The following CREB5 variants were observed in gnomAD, a reference collection of about 807,000 sequenced individuals.
CREB5 encodes the protein cAMP responsive element binding protein 5, also known as cyclic AMP-responsive element-binding protein 5.
In CREB5, 19 loss-of-function variants were observed where a neutral mutation model predicts 57.1. That is an observed-to-expected ratio of 0.33 (90% CI 0.23 to 0.49). CREB5 has a LOEUF of 0.49. Among genes scored for constraint, CREB5 ranks in the 20% least tolerant of loss-of-function variants. The probability of loss-of-function intolerance (pLI) is 0.99; values close to 1 mark genes in which losing one functional copy is unlikely to be tolerated. For missense variants in CREB5, 579 were observed against 671.6 expected, an observed-to-expected ratio of 0.86 and a Z score of 1.52; for synonymous variants, 238 against 238.3, an observed-to-expected ratio of 1.00 and a Z score of 0.01.
At chr7:28,514,851 T>C (rs1274084243) in intron 4 of CREB5, among the ~76,000 whole-genome samples, 6 of 152,164 alleles carry the variant, frequency 3.9e-5, no homozygotes, top group Non-Finnish European at 7.4e-5. Flanking sequence ...TGGCGGGTGT[T>C]ATCGGAGGTG....
At chr7:28,495,509 T>C (rs868367653) in intron 3 of CREB5, among the ~76,000 whole-genome samples, 25 of 148,430 alleles carry the variant, frequency 1.7e-4, no homozygotes, top group Admixed American at 1.2e-3. Context: ...GCCACTGCAC[T>C]CCAGCCTGGG....
chr7:28,645,465 T>C (rs894114572), intron 5 of CREB5, among the ~76,000 whole-genome samples: 25 of 152,206 alleles, frequency 1.6e-4, no homozygotes, highest in African/African-American at 5.5e-4. Context: ...TAGGGTGATT[T>C]TGCTGATCCC....
Position 28,494,985 on chromosome 7 carries a change from A to G in CREB5, c.155A>G (p.Asp52Gly). 4 of 1,606,500 alleles carry G rather than the reference A, an allele frequency of 2.5e-6. No individual in the cohort carries two copies. The highest frequency in any genetic ancestry group is 3.4e-6 in the Non-Finnish European group (4 of 1,177,922). ...MTLKFPSIKT[D>G]NMLSDQTPTP... ...TTGAAGTTTCCTTCAATAAAAACAG[A>G]CAATATGTTATCAGGTAAGGAGCCA... The change falls in exon 3 of 11, where the codon GAC (aspartate) becomes GGC (glycine). Residue 52 changes from aspartate to glycine, a missense_variant. Physicochemically the swap from Asp to Gly is moderately conservative, Grantham distance 94. Around this residue, in one of 3 missense-constraint regions of CREB5, gnomAD observed 459 missense variants for 515.7 expected, o/e 0.89. Coordinates refer to ENST00000357727, the MANE Select transcript of CREB5 (RefSeq NM_182898.4).
In CREB5 at chr7:28,737,584, T is replaced by TATATATAA. The variant is rs1562606948; in HGVS notation, c.702+13256_702+13257insATAAATAT. Among the ~76,000 whole-genome samples, 17 of 27,560 alleles carry TATATATAA rather than the reference T, an allele frequency of 6.2e-4. 1 individual carries two copies. Among genetic ancestry groups the TATATATAA allele is most frequent in the African/African-American group, 1.7e-3 (15 of 8,728 alleles). 18.1% of individuals were successfully genotyped at this position (27,560 alleles called of 152,430 possible). ...ATATATATATATATATATATATATA[T>TATATATAA]ATATTTTTAACTCCTGTTTCAAAGG... On this transcript the variant is annotated intron_variant, in intron 7 of 10. Coordinates refer to ENST00000357727, the MANE Select transcript of CREB5 (RefSeq NM_182898.4).
At chr7:28,778,313 C>T (rs1224675960) in intron 7 of CREB5, among the ~76,000 whole-genome samples, 2 of 152,172 alleles carry the variant, frequency 1.3e-5, no homozygotes, top group Non-Finnish European at 2.9e-5. Flanking sequence ...GAATTAAAAG[C>T]AGAAGAGCCC....
intron 7 of CREB5, among the ~76,000 whole-genome samples, chr7:28,756,718 C>G (rs891583824): frequency 6.6e-6 from 1 of 152,128 alleles, no homozygotes; most frequent in Non-Finnish European, 1.5e-5. Flanking sequence ...CTCTCCAAAG[C>G]GGCCCTCTCC....
At chr7:28,537,840 A>T (rs889048258) in intron 4 of CREB5, among the ~76,000 whole-genome samples, 2 of 152,182 alleles carry the variant, frequency 1.3e-5, no homozygotes, top group Non-Finnish European at 2.9e-5. Context: ...AGCAGATTTG[A>T]ATACCGTTTG....
chr7:28,673,638 A>G (rs1172983481), intron 5 of CREB5, among the ~76,000 whole-genome samples: 1 of 145,596 alleles, frequency 6.9e-6, no homozygotes, highest in African/African-American at 2.6e-5. Context: ...CCGTGTTGAC[A>G]TGAAGTTTCT....
chr7:28,609,353 A>T (rs1013285309), intron 5 of CREB5, among the ~76,000 whole-genome samples: 6 of 152,078 alleles, frequency 3.9e-5, no homozygotes, highest in African/African-American at 1.2e-4. Flanking sequence ...CTGAGCCCTG[A>T]CCTTACCTGC....
chr7:28,633,624 T>G (rs1225013703), intron 5 of CREB5, among the ~76,000 whole-genome samples: 1 of 152,184 alleles, frequency 6.6e-6, no homozygotes, highest in African/African-American at 2.4e-5. Flanking sequence ...AGTTGTGGAC[T>G]TACCAGCCAT....
chr7:28,316,914 A>G (rs1785395177), intron 1 of CREB5, among the ~76,000 whole-genome samples: 1 of 151,862 alleles, frequency 6.6e-6, no homozygotes, highest in Non-Finnish European at 1.5e-5. Flanking sequence ...CTTGTCTTGA[A>G]GATTGTTGAA....
intron 5 of CREB5, among the ~76,000 whole-genome samples, chr7:28,610,519 A>T (rs185910409): frequency 6.6e-6 from 1 of 152,292 alleles, no homozygotes; most frequent in African/African-American, 2.4e-5. Context: ...AGGGACCTAA[A>T]TCCCCCAGGC....
chr7:28,726,462 T>C (rs1803343618), intron 7 of CREB5, among the ~76,000 whole-genome samples: 1 of 152,148 alleles, frequency 6.6e-6, no homozygotes, highest in Admixed American at 6.5e-5. Context: ...ACTAACCATA[T>C]AGTATTTTCT....
intron 1 of CREB5, among the ~76,000 whole-genome samples, chr7:28,366,606 A>G (rs1477799369): frequency 6.6e-6 from 1 of 152,210 alleles, no homozygotes; most frequent in Non-Finnish European, 1.5e-5. Flanking sequence ...TATACATCCA[A>G]AATCAGAGTA....
chr7:28,419,984 A>C (rs997871479), intron 1 of CREB5, among the ~76,000 whole-genome samples: 2 of 152,226 alleles, frequency 1.3e-5, no homozygotes, highest in Non-Finnish European at 2.9e-5. Flanking sequence ...ATGTAATTTG[A>C]AATTGTACTT....
chr7:28,551,409 C>A (rs573309881), intron 4 of CREB5, among the ~76,000 whole-genome samples: 3 of 152,264 alleles, frequency 2.0e-5, no homozygotes, highest in East Asian at 3.9e-4. Context: ...TCCGCCCACC[C>A]CTAGCCAAAT....
At chr7:28,378,568 C>T (rs932634196) in intron 1 of CREB5, among the ~76,000 whole-genome samples, 2 of 152,128 alleles carry the variant, frequency 1.3e-5, no homozygotes, top group Non-Finnish European at 2.9e-5. Flanking sequence ...CTTATTGATA[C>T]CTTTTGCCTC....
At chr7:28,489,877 G>T (rs1022182965) in intron 2 of CREB5, among the ~76,000 whole-genome samples, 1 of 152,210 alleles carries the variant, frequency 6.6e-6, no homozygotes, top group Non-Finnish European at 1.5e-5. Flanking sequence ...AAAACAGAGT[G>T]ATAAGTAACT....
chr7:28,383,636 A>C (rs1378875080), intron 1 of CREB5, among the ~76,000 whole-genome samples: 6 of 152,184 alleles, frequency 3.9e-5, no homozygotes, highest in African/African-American at 1.4e-4. Flanking sequence ...AGATCTCCAG[A>C]GAACTCACTC....
Sources: allele counts gnomAD v4.1 joint callset (sites outside exome capture counted in the v4.1 genomes callset), GRCh38; gene constraint gnomAD v4.1.1; regional missense constraint gnomAD v4.1.1; transcripts MANE v1.5; gene names NCBI Gene and HGNC (gene_info 2026-07-23, HGNC 2026-07-21).